LLGL2: variants seen among roughly 807,000 people sequenced by gnomAD.
LLGL2 encodes the protein LLGL scribble cell polarity complex component 2, also known as LLGL2, scribble cell polarity complex component.
LLGL2 carries 81 observed loss-of-function variants against 123.2 expected under a neutral mutation model. The ratio of observed to expected loss-of-function variants is 0.66; its 90% CI spans 0.55 to 0.79. LLGL2 has a LOEUF of 0.79. Among genes scored for constraint, LLGL2 ranks in the 30% least tolerant of loss-of-function variants. The pLI, the probability that LLGL2 is intolerant of heterozygous loss-of-function variation, is 0.00. For synonymous variants in LLGL2, 577 were observed against 594.1 expected (o/e 0.97, Z 0.42); for missense variants, 1,273 against 1,414.6 (o/e 0.90, Z 1.61).
chr17:75,573,677 CT>C (rs775448054), intron 21 of LLGL2, 46 bp downstream of exon 21: 6 of 1,472,112 alleles, frequency 4.1e-6, no homozygotes, highest in Admixed American at 2.0e-5. Flanking sequence ...CCGCCCCTCC[CT>C]GCCCTCTCTG....
intron 3 of LLGL2, among the ~76,000 whole-genome samples, chr17:75,557,058 T>TG (rs2054947158): frequency 7.3e-6 from 1 of 136,506 alleles, no homozygotes; most frequent in Non-Finnish European, 1.6e-5. Context: ...TTTTTTTTTT[T>TG]TGTGGAGACA....
At chr17:75,540,591 G>C (rs1008328364) in intron 1 of LLGL2, among the ~76,000 whole-genome samples, 5 of 152,240 alleles carry the variant, frequency 3.3e-5, no homozygotes, top group African/African-American at 9.6e-5. Flanking sequence ...GCATCTGGGA[G>C]CGTGTCTGTG....
rs1447040815 is a variant in LLGL2, at chr17:75,558,623, C to G, written c.367C>G (p.Pro123Ala). The G allele has an allele frequency of 2.5e-6, 4 of 1,599,876 alleles. No individual in the cohort carries two copies. The South Asian group carries it at 4.5e-5, about 18-fold the overall frequency. ...TGAGAGCTTCACACTGCGTGGACCC[C>G]CAGGGTAAGGGCTCAATCCCCAGCC... ...EDESFTLRGP[P>A]GAAPSATQIT... Residue 123 changes from proline to alanine, a missense_variant, in exon 5 of 26, where the codon CCA becomes GCA. Pro to Ala is a conservative substitution (Grantham distance 27, BLOSUM62 -1). Coordinates refer to ENST00000392550, the MANE Select transcript of LLGL2 (RefSeq NM_001031803.2). This position sits in a 1 kb window ranked among gnomAD's most constrained non-coding sequence, Gnocchi z 4.0.
At chr17:75,528,518 C>T (rs986757161) in intron 1 of LLGL2, among the ~76,000 whole-genome samples, 3 of 152,126 alleles carry the variant, frequency 2.0e-5, no homozygotes, top group Non-Finnish European at 2.9e-5. Flanking sequence ...TTGGGCCGAT[C>T]GCCTGAGGTC....
rs760449037 is a variant in LLGL2, at chr17:75,570,268, G to A, written c.1874+13G>A. On this transcript the variant is annotated intron_variant, in intron 15 of 25. Coordinates refer to ENST00000392550, the MANE Select transcript of LLGL2 (RefSeq NM_001031803.2). ...AGGTCTTTGTTAAGTGAGCAGGGGCGGCTGGGTCCCGGGGCTGGGAGTGGG... is the reference window on the plus strand; with the variant it reads ...AGGTCTTTGTTAAGTGAGCAGGGGCAGCTGGGTCCCGGGGCTGGGAGTGGG... 2.0e-5 allele frequency: 32 copies of A among 1,598,862 alleles called. No individual in the cohort carries two copies. The highest frequency in any genetic ancestry group is 3.4e-5 in the Admixed American group (2 of 58,378).
chr17:75,539,570 T>A (rs2054131953), intron 1 of LLGL2, among the ~76,000 whole-genome samples: 1 of 151,138 alleles, frequency 6.6e-6, no homozygotes, highest in Admixed American at 6.6e-5. Context: ...TCAGAGATAG[T>A]CCTGACCTCT....
Position 75,568,663 on chromosome 17 carries a change from C to T in LLGL2, c.1224C>T (p.Gly408=), listed in dbSNP as rs2055551567. The T allele has an allele frequency of 1.9e-6, 3 of 1,613,810 alleles. No homozygotes were observed. The African/African-American group carries it at 4.0e-5, about 22-fold the overall frequency. Residue 408 remains glycine (G), a synonymous_variant, in exon 11 of 26, where the codon GGC becomes GGT. Transcript: ENST00000392550. ...TGTGGGAGCGGATCATTGCCGCCGG[C>T]AGCCGGCAGAACGCACACTTCTCCA... The part of the protein sequence containing the change: ...LKLWERIIAA[G]SRQNAHFSTM...
intron 6 of LLGL2, among the ~76,000 whole-genome samples, chr17:75,561,516 A>G (rs2055217537): frequency 6.6e-6 from 1 of 152,000 alleles, no homozygotes; most frequent in African/African-American, 2.4e-5. Flanking sequence ...AGTCTCAGCT[A>G]CTTGGGAGGT....
intron 14 of LLGL2, 107 bp from the exon 15 acceptor site, chr17:75,569,852 GTCCT>G: frequency 3.6e-6 from 4 of 1,106,434 alleles, no homozygotes; most frequent in Non-Finnish European, 5.1e-6. Context: ...AGAGGCCTTT[GTCCT>G]TCCTTGAGCC....
chr17:75,564,322 C>T lies in LLGL2; in HGVS notation c.882-31C>T, dbSNP rs1338028349. On this transcript the variant is annotated intron_variant, in intron 9 of 25. Coordinates refer to ENST00000392550, the MANE Select transcript of LLGL2 (RefSeq NM_001031803.2). This position sits in a 1 kb window ranked among gnomAD's most constrained non-coding sequence, Gnocchi z 4.9. ...GCTGTTGAGGCTGTGCCAGGAGCCC[C>T]AGCCCACTGCCGCTCCTCTGTGCCT... The T allele has an allele frequency of 1.3e-6, 2 of 1,580,872 alleles. No individual in the cohort carries two copies. The highest frequency in any genetic ancestry group is 1.7e-5 in the Admixed American group (1 of 58,916).
Position 75,558,573 on chromosome 17 carries a change from G to T in LLGL2, c.317G>T (p.Gly106Val). The change falls in exon 5 of 26, where the codon GGC (glycine) becomes GTC (valine). Residue 106 changes from glycine (G) to valine (V), a missense_variant. Physicochemically the swap from Gly to Val is moderately radical, Grantham distance 109. Transcript: ENST00000392550. The surrounding 1 kb of genome is among the most constrained non-coding windows in gnomAD (Gnocchi z 4.0). Reference sequence around the variant, plus strand: ...CACCTTTGGAGCCTGAAGGTCAAGGGCGGGGCATCGGAGCTGCAGGAGGAT... The same window carrying T: ...CACCTTTGGAGCCTGAAGGTCAAGGTCGGGGCATCGGAGCTGCAGGAGGAT... ...SLHLWSLKVK[G>V]GASELQEDES... The T allele has an allele frequency of 6.2e-7, 1 of 1,611,858 alleles. No homozygotes were observed. The highest frequency in any genetic ancestry group is 8.5e-7 in the Non-Finnish European group (1 of 1,179,208).
intron 2 of LLGL2, among the ~76,000 whole-genome samples, chr17:75,554,136 T>C (rs1047856603): frequency 3.3e-5 from 5 of 152,080 alleles, no homozygotes; most frequent in Non-Finnish European, 7.4e-5. Flanking sequence ...AGCCCATCTC[T>C]ACTGAAAATA....
At chr17:75,554,888 C>CG (rs1555654659) in intron 2 of LLGL2, among the ~76,000 whole-genome samples, 7 of 131,972 alleles carry the variant, frequency 5.3e-5, no homozygotes, top group African/African-American at 3.0e-5. Flanking sequence ...GACTCCGTCT[C>CG]AAAAAAAAAA....
At chr17:75,570,567 CCACA>C (rs2055657782) in intron 16 of LLGL2, 69 bp downstream of exon 16, 14 of 1,499,392 alleles carry the variant, frequency 9.3e-6, no homozygotes, top group Non-Finnish European at 7.2e-6. Context: ...AGCAGGGGGG[CCACA>C]CGGCCCCTGC....
rs73364265 is a variant in LLGL2 at position 75,572,103 on chromosome 17, C to T, written c.2460+39C>T. 0.012 allele frequency: 18,857 copies of T among 1,585,210 alleles called. 1,715 individuals carry two copies. In the African/African-American group the frequency reaches 0.21, roughly 18 times the overall value. On this transcript the variant is annotated intron_variant, in intron 19 of 25. Transcript: ENST00000392550. ...AGCGGCGGGTCTCCCTGGGACTCCC[C>T]GGGACATCCAGGAGGCTCGGACCTT... is the stretch of plus-strand genomic sequence containing the variant.
intron 7 of LLGL2, 60 bp from the exon 8 acceptor site, chr17:75,563,271 G>A (rs1266259273): frequency 2.1e-5 from 33 of 1,603,144 alleles, no homozygotes; most frequent in South Asian, 2.2e-5. Context: ...GGGTGCAGGC[G>A]ATGGGAACGC....
At chr17:75,538,876 C>T (rs568557012) in intron 1 of LLGL2, among the ~76,000 whole-genome samples, 2 of 152,112 alleles carry the variant, frequency 1.3e-5, no homozygotes, top group African/African-American at 2.4e-5. Context: ...GCTGGATCTT[C>T]GCATCCTCTT....
intron 1 of LLGL2, among the ~76,000 whole-genome samples, chr17:75,531,839 C>T (rs1172765528): frequency 6.6e-6 from 1 of 152,154 alleles, no homozygotes; most frequent in Non-Finnish European, 1.5e-5. Context: ...TCACCCCTCT[C>T]TTCTTCCCAG....
chr17:75,539,307 C>T (rs2054121019), intron 1 of LLGL2, among the ~76,000 whole-genome samples: 1 of 152,132 alleles, frequency 6.6e-6, no homozygotes, highest in Admixed American at 6.5e-5. Flanking sequence ...GTGATCCTCC[C>T]ACCGTAGCCT....
Sources: gnomAD v4.1 joint callset for allele counts (sites outside exome capture counted in the v4.1 genomes callset) on GRCh38, gnomAD v4.1.1 for gene constraint, Gnocchi (gnomAD v3.1) non-coding constraint, MANE v1.5 for transcripts, NCBI Gene and HGNC (gene_info 2026-07-23, HGNC 2026-07-21) for gene names.